SYT1: variants seen among roughly 807,000 people sequenced by gnomAD.
SYT1 encodes synaptotagmin-1.
In SYT1, 8 loss-of-function variants were observed where a neutral mutation model predicts 44.8. The observed-to-expected ratio is 0.18, with a 90% CI of 0.10 to 0.32. SYT1 has a LOEUF of 0.32. SYT1 is among the 10% of genes least tolerant of loss of function. The pLI, the probability that SYT1 is intolerant of heterozygous loss-of-function variation, is 1.00. For synonymous variants in SYT1, 154 were observed against 188.8 expected (o/e 0.82, Z 1.51); for missense variants, 286 against 509.3 (o/e 0.56, Z 4.22).
At chr12:78,991,375 G>GT (rs1869998548) in intron 2 of SYT1, among the ~76,000 whole-genome samples, 1 of 151,890 alleles carries the variant, frequency 6.6e-6, no homozygotes, top group African/African-American at 2.4e-5. Context: ...GCTTGTTGAA[G>GT]TTTTTTCTTA....
chr12:78,878,117 T>C (rs1300809783), intron 1 of SYT1, among the ~76,000 whole-genome samples: 2 of 151,752 alleles, frequency 1.3e-5, no homozygotes, highest in Non-Finnish European at 2.9e-5. Context: ...TTGGTTGTCA[T>C]GGGGTTGATA....
intron 4 of SYT1, among the ~76,000 whole-genome samples, chr12:79,266,509 G>A (rs984999638): frequency 1.3e-5 from 2 of 152,124 alleles, no homozygotes; most frequent in African/African-American, 4.8e-5. Flanking sequence ...GCTTACAGTT[G>A]CAGTGCTTAG....
intron 9 of SYT1, among the ~76,000 whole-genome samples, chr12:79,426,460 A>ACAAATGTTCAGATTTGTGAAC (rs1869456102): frequency 6.6e-6 from 1 of 152,220 alleles, no homozygotes; most frequent in Admixed American, 6.5e-5. Context: ...AATAGAACAC[A>ACAAATGTTCAGATTTGTGAAC]ATCTTCAGAA....
intron 3 of SYT1, among the ~76,000 whole-genome samples, chr12:79,160,692 A>G (rs1426371722): frequency 1.3e-5 from 2 of 152,154 alleles, no homozygotes; most frequent in Non-Finnish European, 2.9e-5. Flanking sequence ...AAATGACCCA[A>G]GAATAGTTGA....
intron 3 of SYT1, among the ~76,000 whole-genome samples, chr12:79,157,727 G>A (rs1223616523): frequency 6.6e-6 from 1 of 152,134 alleles, no homozygotes; most frequent in Non-Finnish European, 1.5e-5. Flanking sequence ...AACAATTATA[G>A]GACTTTGTAC....
At chr12:79,005,750 G>T (rs530432370) in intron 2 of SYT1, among the ~76,000 whole-genome samples, 3 of 151,652 alleles carry the variant, frequency 2.0e-5, no homozygotes, top group East Asian at 1.9e-4. Flanking sequence ...AGCCAGAAAA[G>T]AATTAAAATT....
At chr12:79,078,802 A>C (rs1298203893) in intron 3 of SYT1, among the ~76,000 whole-genome samples, 2 of 152,204 alleles carry the variant, frequency 1.3e-5, no homozygotes, top group East Asian at 3.8e-4. Flanking sequence ...ACACACACAC[A>C]GAAAGAAACG....
intron 1 of SYT1, among the ~76,000 whole-genome samples, chr12:78,872,188 G>A (rs1329354548): frequency 6.6e-6 from 1 of 151,792 alleles, no homozygotes; most frequent in Non-Finnish European, 1.5e-5. Context: ...CCCTTAAATT[G>A]ACAAAACTGC....
intron 1 of SYT1, among the ~76,000 whole-genome samples, chr12:78,970,440 A>G (rs1481491036): frequency 6.6e-6 from 1 of 152,194 alleles, no homozygotes; most frequent in Non-Finnish European, 1.5e-5. Flanking sequence ...TTCATTTTAC[A>G]TCCTGGACTA....
At chr12:79,396,595 C>T (rs917516946) in intron 9 of SYT1, among the ~76,000 whole-genome samples, 1 of 152,034 alleles carries the variant, frequency 6.6e-6, no homozygotes, top group East Asian at 1.9e-4. Context: ...AGGAATAGAG[C>T]TTCCATTCAA....
At chr12:79,169,727 C>T (rs1027439548) in intron 3 of SYT1, among the ~76,000 whole-genome samples, 2 of 151,770 alleles carry the variant, frequency 1.3e-5, no homozygotes, top group African/African-American at 4.8e-5. Flanking sequence ...TTTAGGGGTA[C>T]AAGTGCATGT....
At chr12:79,433,237 T>C (rs1271520405) in intron 9 of SYT1, among the ~76,000 whole-genome samples, 1 of 152,214 alleles carries the variant, frequency 6.6e-6, no homozygotes, top group Non-Finnish European at 1.5e-5. Context: ...AAACCAATTG[T>C]AGAACTGAGT....
chr12:78,975,311 T>C (rs1343066302), intron 1 of SYT1, among the ~76,000 whole-genome samples: 2 of 152,180 alleles, frequency 1.3e-5, no homozygotes, highest in Non-Finnish European at 2.9e-5. Context: ...CCTCCTCAGA[T>C]TGCAAGTTCT....
Position 79,353,628 on chromosome 12 carries a change from G to A in SYT1, c.928+9G>A, listed in dbSNP as rs751265116. 1.9e-6 allele frequency: 3 copies of A among 1,595,208 alleles called. No individual in the cohort carries two copies. Among genetic ancestry groups the A allele is most frequent in the African/African-American group, 1.3e-5 (1 of 74,486 alleles). On this transcript the variant is annotated intron_variant, in intron 9 of 10. Coordinates refer to ENST00000261205, the MANE Select transcript of SYT1 (RefSeq NM_005639.3). ...TGTGGGTGGCTTATCCGGTAAGCCTGCAGTGTTTATTGATTTTTTTCAAAT... is the reference window on the plus strand; with the variant it reads ...TGTGGGTGGCTTATCCGGTAAGCCTACAGTGTTTATTGATTTTTTTCAAAT...
chr12:78,893,008 T>C (rs1875141584), intron 1 of SYT1, among the ~76,000 whole-genome samples: 1 of 151,880 alleles, frequency 6.6e-6, no homozygotes, highest in Non-Finnish European at 1.5e-5. Flanking sequence ...CCCAAATAAG[T>C]TGATCTACTG....
At chr12:79,030,167 C>A (rs1267125835) in intron 2 of SYT1, among the ~76,000 whole-genome samples, 1 of 151,070 alleles carries the variant, frequency 6.6e-6, no homozygotes, top group Admixed American at 6.6e-5. Flanking sequence ...ATTACCTGAT[C>A]AAATAAATGC....
intron 4 of SYT1, among the ~76,000 whole-genome samples, chr12:79,218,940 C>T (rs1874982814): frequency 6.6e-6 from 1 of 152,138 alleles, no homozygotes; most frequent in Admixed American, 6.5e-5. Context: ...AATCTCCATA[C>T]TGTTTTCCAT....
chr12:79,134,086 A>G (rs1869028219), intron 3 of SYT1, among the ~76,000 whole-genome samples: 1 of 152,196 alleles, frequency 6.6e-6, no homozygotes, highest in Non-Finnish European at 1.5e-5. Context: ...AATTGCCTCA[A>G]ATCTCATACA....
intron 6 of SYT1, among the ~76,000 whole-genome samples, chr12:79,295,511 G>C (rs942109326): frequency 6.6e-6 from 1 of 152,052 alleles, no homozygotes; most frequent in South Asian, 2.1e-4. Flanking sequence ...TCATTCTACT[G>C]TAAGTTAAAA....
Sources: gnomAD v4.1 joint callset for allele counts (sites outside exome capture counted in the v4.1 genomes callset) on GRCh38, gnomAD v4.1.1 for gene constraint, MANE v1.5 for transcripts, NCBI Gene and HGNC (gene_info 2026-07-23, HGNC 2026-07-21) for gene names.